DUSP3: variants seen among roughly 807,000 people sequenced by gnomAD.
The protein encoded by DUSP3 is dual specificity protein phosphatase 3.
In DUSP3, 7 loss-of-function variants were observed where a neutral mutation model predicts 15.5. That is an observed-to-expected ratio of 0.45 (90% CI 0.26 to 0.85). DUSP3 has a LOEUF of 0.85. Ranked by LOEUF, DUSP3 falls within the 40% of genes least tolerant of loss-of-function variation. DUSP3 has a pLI of 0.18. For missense variants in DUSP3, 209 were observed against 251.7 expected, an observed-to-expected ratio of 0.83 and a Z score of 1.15; for synonymous variants, 86 against 104.2, an observed-to-expected ratio of 0.83 and a Z score of 1.07.
In DUSP3 at chr17:43,766,618, T is replaced by C. The variant is rs1034409497; in HGVS notation, c.*2991A>G. ...AGGCAGCGCCACCTGCTGCCCATCA[T>C]ATTATGGCTCACATACCCATAATTT... On this transcript the variant is annotated 3_prime_UTR_variant, in exon 3 of 3. Coordinates refer to ENST00000226004, the MANE Select transcript of DUSP3 (RefSeq NM_004090.4). The C allele has an allele frequency of 9.2e-5, 14 of 152,406 alleles. No homozygotes were observed. The highest frequency in any genetic ancestry group is 3.9e-4 in the Admixed American group (6 of 15,248). 9.4% of individuals were successfully genotyped at this position (152,406 alleles called of 1,614,324 possible). A position where few individuals can be genotyped will look rare whatever the true frequency, so the allele number is the denominator to read the frequency against.
chr17:43,771,774 C>T (rs566012890), intron 2 of DUSP3, among the ~76,000 whole-genome samples: 1 of 152,218 alleles, frequency 6.6e-6, no homozygotes, highest in East Asian at 1.9e-4. Flanking sequence ...TTTGGGAGGT[C>T]GAGGTGGGCG....
chr17:43,770,845 G>A (rs1157545109), intron 2 of DUSP3, among the ~76,000 whole-genome samples: 8 of 150,898 alleles, frequency 5.3e-5, no homozygotes, highest in Admixed American at 4.6e-4. Context: ...TTCAGCCTCC[G>A]CCTCCCGGGT....
intron 2 of DUSP3, among the ~76,000 whole-genome samples, chr17:43,772,906 C>T (rs1031318855): frequency 6.6e-6 from 1 of 152,116 alleles, no homozygotes; most frequent in African/African-American, 2.4e-5. Context: ...AAAAAAAGGG[C>T]GTGTTCCTAG....
At chr17:43,778,770 G>C in intron 1 of DUSP3, 30 bp downstream of exon 1, 1 of 1,502,454 alleles carries the variant, frequency 6.7e-7, no homozygotes, top group Non-Finnish European at 8.9e-7. Flanking sequence ...CGAGAGGGAC[G>C]GCGGGGCCGG....
At chr17:43,775,494 C>T (rs567493150) in intron 1 of DUSP3, among the ~76,000 whole-genome samples, 1 of 152,280 alleles carries the variant, frequency 6.6e-6, no homozygotes, top group South Asian at 2.1e-4. Flanking sequence ...CAGAGCTGGA[C>T]ACGGTAGTGA....
At chr17:43,774,321 G>C (rs28513077) in intron 2 of DUSP3, among the ~76,000 whole-genome samples, 1,565 of 152,176 alleles carry the variant, frequency 0.01, 23 homozygotes, top group African/African-American at 0.035. Context: ...TGGAGCTGCT[G>C]AATCAAGCAG....
At chr17:43,777,474 G>A in intron 1 of DUSP3, 1 of 455,752 alleles carries the variant, frequency 2.2e-6, no homozygotes, top group Non-Finnish European at 4.4e-6. Context: ...CCATTTCCGT[G>A]GCAGTCCTTG....
intron 2 of DUSP3, among the ~76,000 whole-genome samples, chr17:43,770,059 C>T (rs573781884): frequency 1.3e-5 from 2 of 152,112 alleles, no homozygotes; most frequent in African/African-American, 2.4e-5. Flanking sequence ...GAAAGCTGTG[C>T]GGCACGGCGG....
chr17:43,766,495 CTTT>C lies in DUSP3; in HGVS notation c.*3111_*3113del, dbSNP rs377616101. ...CATGTCTTCATATTGAAGATCAGTA[CTTT>C]TTTTTTTTTTTTTCCTTTAAAACAG... On this transcript the variant is annotated 3_prime_UTR_variant, in exon 3 of 3. Coordinates refer to ENST00000226004, the MANE Select transcript of DUSP3 (RefSeq NM_004090.4). The C allele has an allele frequency of 4.2e-5, 6 of 143,206 alleles. No homozygotes were observed. The highest frequency in any genetic ancestry group is 2.2e-4 in the South Asian group (1 of 4,476). 8.9% of individuals were successfully genotyped at this position (143,206 alleles called of 1,614,324 possible).
intron 1 of DUSP3, chr17:43,777,862 G>A (rs1017728311): frequency 7.2e-5 from 14 of 194,156 alleles, no homozygotes; most frequent in Non-Finnish European, 1.4e-4. Flanking sequence ...CTTACTGTCC[G>A]GGTGCGGTGG....
At chr17:43,773,404 G>A (rs1974342465) in intron 2 of DUSP3, among the ~76,000 whole-genome samples, 1 of 152,226 alleles carries the variant, frequency 6.6e-6, no homozygotes, top group Non-Finnish European at 1.5e-5. Context: ...CTCAGCTGAT[G>A]TCTGCTTTGT....
In DUSP3 at chr17:43,777,530, T is replaced by C. The variant is rs75368400; in HGVS notation, c.125+1270A>G. ...TAGCGGAGGTCAGGAAATACATACA[T>C]GAACAAGACATTGACCCTGTCCTTG... is the stretch of plus-strand genomic sequence containing the variant. On this transcript the variant is annotated intron_variant, in intron 1 of 2. Transcript: ENST00000226004. The C allele has an allele frequency of 9.9e-5, 45 of 455,930 alleles. 1 individual carries two copies. In the East Asian group the frequency reaches 2.6e-3, roughly 26 times the overall value. The allele number at this position is 455,930 out of a possible 1,614,324, so 28.2% of individuals were successfully genotyped here. A position where few individuals can be genotyped will look rare whatever the true frequency, so the allele number is the denominator to read the frequency against.
In DUSP3 at chr17:43,778,934, G is replaced by T. The variant is rs1974429182; in HGVS notation, c.-10C>A. ...CGAACGAGCCCGACATGGCGGCGGCGGGGCCCTGCACGCCCGGCAGGAGCA... is the reference window on the plus strand; with the variant it reads ...CGAACGAGCCCGACATGGCGGCGGCTGGGCCCTGCACGCCCGGCAGGAGCA... On this transcript the variant is annotated 5_prime_UTR_variant, in exon 1 of 3. Transcript: ENST00000226004. 1 of 1,450,542 alleles carries T rather than the reference G, an allele frequency of 6.9e-7. No individual in the cohort carries two copies. The highest frequency in any genetic ancestry group is 9.1e-7 in the Non-Finnish European group (1 of 1,097,542). 89.9% of individuals were successfully genotyped at this position (1,450,542 alleles called of 1,614,324 possible).
At chr17:43,776,906 A>C (rs1292708736) in intron 1 of DUSP3, among the ~76,000 whole-genome samples, 1 of 152,192 alleles carries the variant, frequency 6.6e-6, no homozygotes, top group Non-Finnish European at 1.5e-5. Flanking sequence ...GACACCGCGC[A>C]AGACTGTGAA....
At chr17:43,775,254 C>A (rs1177122315) in intron 1 of DUSP3, among the ~76,000 whole-genome samples, 2 of 152,174 alleles carry the variant, frequency 1.3e-5, no homozygotes, top group South Asian at 2.1e-4. Context: ...CCCCTCCATT[C>A]CATTTGGCCC....
In DUSP3 at chr17:43,778,824, G is replaced by A; in HGVS notation, c.101C>T (p.Thr34Ile). Residue 34 changes from threonine to isoleucine, a missense_variant, in exon 1 of 3, where the codon ACC becomes ATC. Physicochemically the swap from Thr to Ile is moderately conservative, Grantham distance 89. Transcript: ENST00000226004. ...CGCGTTGCCCACGTAGATCCGCGGG[G>A]TGACCTCGTTGCAGGGCTGGCTCGG... Reference protein sequence around the residue: ...SLPSQPCNEVTPRIYVGNASV... With the variant: ...SLPSQPCNEVIPRIYVGNASV... 6.5e-7 allele frequency: 1 copy of A among 1,538,814 alleles called. No homozygotes were observed. Among genetic ancestry groups the A allele is most frequent in the South Asian group, 1.2e-5 (1 of 81,844 alleles).
rs1974267085 is a variant in DUSP3 at position 43,768,403 on chromosome 17, C to T, written c.*1206G>A. ...TTAGAAAGTCTTTTGAAAGGTTTATCGTGTTTGGGTTTTTTTGCTCTACCA... is the reference window on the plus strand; with the variant it reads ...TTAGAAAGTCTTTTGAAAGGTTTATTGTGTTTGGGTTTTTTTGCTCTACCA... On this transcript the variant is annotated 3_prime_UTR_variant, in exon 3 of 3. Transcript: ENST00000226004. 1.3e-5 allele frequency: 2 copies of T among 152,112 alleles called. No homozygotes were observed. The highest frequency in any genetic ancestry group is 6.6e-5 in the Admixed American group (1 of 15,262). The allele number at this position is 152,112 out of a possible 1,614,324, so 9.4% of individuals were successfully genotyped here. A position where few individuals can be genotyped will look rare whatever the true frequency, so the allele number is the denominator to read the frequency against.
intron 1 of DUSP3, among the ~76,000 whole-genome samples, chr17:43,775,233 A>C (rs1974373001): frequency 6.6e-6 from 1 of 152,050 alleles, no homozygotes; most frequent in Non-Finnish European, 1.5e-5. Flanking sequence ...CACCCTCCGC[A>C]GTGTTTGTCT....
rs2154590575 is a variant in DUSP3, at chr17:43,766,491, A to G, written c.*3118T>C. 1 of 149,716 alleles carries G rather than the reference A, an allele frequency of 6.7e-6. No homozygotes were observed. Among genetic ancestry groups the G allele is most frequent in the East Asian group, 1.9e-4 (1 of 5,174 alleles). 9.3% of individuals were successfully genotyped at this position (149,716 alleles called of 1,614,324 possible). ...AGCTCATGTCTTCATATTGAAGATC[A>G]GTACTTTTTTTTTTTTTTTTCCTTT... On this transcript the variant is annotated 3_prime_UTR_variant, in exon 3 of 3. Coordinates refer to ENST00000226004, the MANE Select transcript of DUSP3 (RefSeq NM_004090.4).
Sources: allele counts gnomAD v4.1 joint callset (sites outside exome capture counted in the v4.1 genomes callset), GRCh38; gene constraint gnomAD v4.1.1; transcripts MANE v1.5; gene names NCBI Gene and HGNC (gene_info 2026-07-23, HGNC 2026-07-21).